Variants in PCP4 observed in about 807,000 individuals in gnomAD.
PCP4 encodes calmodulin regulator protein PCP4.
Under a neutral mutation model 10.0 loss-of-function variants are expected in PCP4, and 8 were observed. The ratio of observed to expected loss-of-function variants is 0.80; its 90% CI spans 0.47 to 1.45. The LOEUF is 1.45. Among genes scored for constraint, PCP4 ranks in the 40% most tolerant of loss-of-function variants. The pLI is 0.00. For synonymous variants in PCP4, 21 were observed against 23.0 expected (o/e 0.91, Z 0.24); for missense variants, 54 against 74.4 (o/e 0.73, Z 1.01).
chr21:39,909,856 C>T (rs2087531062), intron 2 of PCP4, among the ~76,000 whole-genome samples: 1 of 150,032 alleles, frequency 6.7e-6, no homozygotes, highest in Admixed American at 6.7e-5. Context: ...AGTGCAATGG[C>T]GTGACCTTGG....
chr21:39,898,046 A>AG (rs1491265942), intron 1 of PCP4, among the ~76,000 whole-genome samples: 3 of 47,408 alleles, frequency 6.3e-5, no homozygotes, highest in Non-Finnish European at 1.2e-4. Flanking sequence ...ACTCAGTCTC[A>AG]AAAAAAAAAA....
intron 2 of PCP4, chr21:39,926,018 T>C (rs1038339562): frequency 2.4e-5 from 11 of 455,936 alleles, no homozygotes; most frequent in African/African-American, 2.2e-4. Flanking sequence ...TGCCACCGAG[T>C]CTAATTGGTT....
intron 2 of PCP4, among the ~76,000 whole-genome samples, chr21:39,920,106 G>A (rs1200295589): frequency 7.1e-6 from 1 of 140,700 alleles, no homozygotes; most frequent in Non-Finnish European, 1.6e-5. Flanking sequence ...TGTGTGTTTG[G>A]TCTGTGTGTG....
At chr21:39,877,862 A>G (rs1457515215) in intron 1 of PCP4, among the ~76,000 whole-genome samples, 1 of 152,220 alleles carries the variant, frequency 6.6e-6, no homozygotes, top group Non-Finnish European at 1.5e-5. Context: ...GAGGAAGAGC[A>G]TTCTGAACCC....
At position 39,868,469 on chromosome 21, in the gene PCP4, A is replaced by T. The variant is rs530679626; in HGVS notation, c.9+959A>T. On this transcript the variant is annotated intron_variant, in intron 1 of 2. Coordinates refer to ENST00000328619, the MANE Select transcript of PCP4 (RefSeq NM_006198.3). The stretch of plus-strand genomic sequence containing the variant: ...TTTTTGATGTAAACATGACAAGAAG[A>T]AGAGCAAAGCACTATAAAACTTAGA... Among the ~76,000 whole-genome samples, 8 of 152,308 alleles carry T rather than the reference A, an allele frequency of 5.3e-5. 1 individual carries two copies. In the South Asian group the frequency reaches 1.7e-3, roughly 32 times the overall value.
chr21:39,927,947 G>C lies in PCP4; in HGVS notation c.62-1037G>C, dbSNP rs1263883792. Among the ~76,000 whole-genome samples, 5 of 152,158 alleles carry C rather than the reference G, an allele frequency of 3.3e-5. No homozygotes were observed. In the East Asian group the frequency reaches 9.6e-4, roughly 29 times the overall value. On this transcript the variant is annotated intron_variant, in intron 2 of 2. Coordinates refer to ENST00000328619, the MANE Select transcript of PCP4 (RefSeq NM_006198.3). ...CCTGAGTCTGGGGTGAGACCCTCAT[G>C]CCTGTATTTAAAAAAAGAAAGAAAA... is the stretch of plus-strand genomic sequence containing the variant.
intron 1 of PCP4, among the ~76,000 whole-genome samples, chr21:39,871,335 C>T (rs974432747): frequency 3.9e-5 from 6 of 152,124 alleles, no homozygotes; most frequent in South Asian, 4.1e-4. Flanking sequence ...CTTCTTACAA[C>T]GTAAGGGTAA....
rs552404241 is a variant in PCP4 at position 39,911,500 on chromosome 21, T to C, written c.61+12973T>C. Among the ~76,000 whole-genome samples the C allele has an allele frequency of 1.4e-3, 209 of 152,312 alleles. 4 individuals are homozygous for C. Among genetic ancestry groups the C allele is most frequent in the African/African-American group, 4.7e-3 (197 of 41,566 alleles). ...GTGGGTGCCTCCCTCTGGTGGCAAT[T>C]GGCATACATGAAATTAAAGTGTGAC... On this transcript the variant is annotated intron_variant, in intron 2 of 2. Coordinates refer to ENST00000328619, the MANE Select transcript of PCP4 (RefSeq NM_006198.3).
chr21:39,925,907 C>T (rs2087618769), intron 2 of PCP4: 1 of 385,700 alleles, frequency 2.6e-6, no homozygotes, highest in Admixed American at 2.6e-5. Flanking sequence ...GTGGTCCCTT[C>T]CCTTACTCTC....
chr21:39,880,991 G>C (rs1477817312), intron 1 of PCP4, among the ~76,000 whole-genome samples: 1 of 152,036 alleles, frequency 6.6e-6, no homozygotes, highest in African/African-American at 2.4e-5. Context: ...TTGGTTGTTC[G>C]TATTGGTGGT....
intron 1 of PCP4, among the ~76,000 whole-genome samples, chr21:39,891,036 A>G (rs2087427944): frequency 6.6e-6 from 1 of 152,226 alleles, no homozygotes; most frequent in Non-Finnish European, 1.5e-5. Context: ...TTATGTTCAG[A>G]CATATCTTTA....
At chr21:39,878,279 A>G (rs758833099) in intron 1 of PCP4, among the ~76,000 whole-genome samples, 1 of 152,222 alleles carries the variant, frequency 6.6e-6, no homozygotes, top group Non-Finnish European at 1.5e-5. Context: ...TAACCTTCCC[A>G]AAGCAGCCGG....
At chr21:39,892,894 A>G (rs760543059) in intron 1 of PCP4, among the ~76,000 whole-genome samples, 5 of 152,186 alleles carry the variant, frequency 3.3e-5, no homozygotes, top group Non-Finnish European at 7.4e-5. Flanking sequence ...AACAACATGG[A>G]TGGAACTGGA....
intron 1 of PCP4, among the ~76,000 whole-genome samples, chr21:39,890,273 G>A (rs2087423292): frequency 6.6e-6 from 1 of 152,196 alleles, no homozygotes; most frequent in Non-Finnish European, 1.5e-5. Flanking sequence ...ACTAGAGTTG[G>A]ATTGAGCCAC....
chr21:39,911,699 T>C (rs1488796010), intron 2 of PCP4, among the ~76,000 whole-genome samples: 1 of 152,260 alleles, frequency 6.6e-6, no homozygotes, highest in Non-Finnish European at 1.5e-5. Flanking sequence ...GAGTTATAGC[T>C]GTTTCTTGAA....
intron 1 of PCP4, among the ~76,000 whole-genome samples, chr21:39,889,375 A>AAC (rs1227103239): frequency 2.0e-5 from 3 of 150,722 alleles, no homozygotes; most frequent in African/African-American, 7.3e-5. Context: ...CGCCCAGTCC[A>AAC]ACCATATCTC....
At chr21:39,892,829 A>G (rs1290640090) in intron 1 of PCP4, among the ~76,000 whole-genome samples, 2 of 152,012 alleles carry the variant, frequency 1.3e-5, no homozygotes, top group African/African-American at 4.8e-5. Context: ...GTACCTATTA[A>G]CCATCCCCAC....
chr21:39,888,551 G>A (rs2087412644), intron 1 of PCP4, among the ~76,000 whole-genome samples: 2 of 152,220 alleles, frequency 1.3e-5, no homozygotes, highest in Non-Finnish European at 2.9e-5. Flanking sequence ...GTGATACGCA[G>A]CTGGTGGGGA....
At chr21:39,886,296 A>T (rs1191061902) in intron 1 of PCP4, among the ~76,000 whole-genome samples, 1 of 152,218 alleles carries the variant, frequency 6.6e-6, no homozygotes, top group Non-Finnish European at 1.5e-5. Flanking sequence ...GGAAACTGAC[A>T]GCAACACAAA....
Sources: gnomAD v4.1 joint callset for allele counts (sites outside exome capture counted in the v4.1 genomes callset) on GRCh38, gnomAD v4.1.1 for gene constraint, MANE v1.5 for transcripts, NCBI Gene and HGNC (gene_info 2026-07-23, HGNC 2026-07-21) for gene names.